Variants in SEC14L1 observed in about 807,000 individuals in gnomAD.
SEC14L1 encodes the protein SEC14-like protein 1.
Under a neutral mutation model 85.3 loss-of-function variants are expected in SEC14L1, and 48 were observed. The observed-to-expected ratio is 0.56, with a 90% CI of 0.45 to 0.72. The LOEUF (loss-of-function observed/expected upper bound fraction) is 0.72. SEC14L1 is among the 30% of genes least tolerant of loss of function. The pLI is 0.00. For synonymous variants in SEC14L1, 391 were observed against 355.5 expected (o/e 1.10, Z -1.12); for missense variants, 682 against 921.4 (o/e 0.74, Z 3.36).
chr17:77,113,221 G>A (rs991107374), intron 3 of SEC14L1, among the ~76,000 whole-genome samples: 6 of 152,132 alleles, frequency 3.9e-5, no homozygotes, highest in Admixed American at 6.6e-5. Context: ...TACAATATGT[G>A]AAACGAATTC....
chr17:77,214,661 C>T lies in SEC14L1; in HGVS notation c.*638C>T. The stretch of plus-strand genomic sequence containing the variant: ...GGGGCTCAGGAGGGGCTCTCAGGGA[C>T]TCCTGGTGACTCCAGGAAAATGCTG... On this transcript the variant is annotated 3_prime_UTR_variant, in exon 17 of 17. Coordinates refer to ENST00000436233, the MANE Select transcript of SEC14L1 (RefSeq NM_001143998.2). The T allele has an allele frequency of 1.0e-6, 1 of 985,710 alleles. No individual in the cohort carries two copies. The highest frequency in any genetic ancestry group is 1.2e-6 in the Non-Finnish European group (1 of 830,114). The allele number at this position is 985,710 out of a possible 1,614,324, so 61.1% of individuals were successfully genotyped here. A position where few individuals can be genotyped will look rare whatever the true frequency, so the allele number is the denominator to read the frequency against.
intron 10 of SEC14L1, among the ~76,000 whole-genome samples, 178 bp downstream of exon 10, chr17:77,203,836 T>C (rs190515084): frequency 2.7e-3 from 413 of 152,258 alleles, no homozygotes; most frequent in African/African-American, 9.7e-3. Context: ...GTTATAAAAG[T>C]GTTTCTCACA....
intron 3 of SEC14L1, among the ~76,000 whole-genome samples, chr17:77,180,000 A>G (rs1214928474): frequency 7.4e-6 from 1 of 134,558 alleles, no homozygotes; most frequent in East Asian, 2.3e-4. Context: ...TTAGGTTTTT[A>G]TTTTGTTTTG....
At chr17:77,185,214 G>A (rs1975212908) in intron 3 of SEC14L1, 2 of 985,356 alleles carry the variant, frequency 2.0e-6, no homozygotes, top group Non-Finnish European at 2.4e-6. Context: ...CAGCCTAGCA[G>A]TGCATTTGGT....
At chr17:77,150,089 A>C (rs924514104) in intron 3 of SEC14L1, among the ~76,000 whole-genome samples, 2 of 152,190 alleles carry the variant, frequency 1.3e-5, no homozygotes, top group Admixed American at 1.3e-4. Flanking sequence ...GCCCGAGTAC[A>C]AAAGAATTTG....
chr17:77,183,863 G>C (rs1299474223), intron 3 of SEC14L1, among the ~76,000 whole-genome samples: 1 of 151,986 alleles, frequency 6.6e-6, no homozygotes, highest in Non-Finnish European at 1.5e-5. Context: ...GTCTAGGGTG[G>C]TTGTGTAGAC....
At position 77,212,000 on chromosome 17, in the gene SEC14L1, C is replaced by T. The variant is rs769124500; in HGVS notation, c.1662C>T (p.Asp554=). 52 of 1,613,958 alleles carry T rather than the reference C, an allele frequency of 3.2e-5. No individual in the cohort carries two copies. The highest frequency in any genetic ancestry group is 2.7e-4 in the South Asian group (25 of 91,084). ...DASSVITWDF[D]VCKGDIVFNI... ...CGTCAGTCATCACTTGGGATTTCGA[C>T]GTGTGCAAAGGGGACATTGTGTTTA... The change falls in exon 15 of 17, where the codon GAC becomes GAT. Residue 554 remains aspartate (D), a synonymous_variant. Transcript: ENST00000436233.
intron 3 of SEC14L1, among the ~76,000 whole-genome samples, chr17:77,172,253 AAG>A (rs1491275939): frequency 6.6e-6 from 1 of 152,142 alleles, no homozygotes; most frequent in Non-Finnish European, 1.5e-5. Flanking sequence ...AGGTAAAAAA[AAG>A]AGTGGAGCCC....
At chr17:77,159,359 AC>A (rs1973957833) in intron 3 of SEC14L1, among the ~76,000 whole-genome samples, 1 of 131,086 alleles carries the variant, frequency 7.6e-6, no homozygotes, top group Non-Finnish European at 1.6e-5. Context: ...GAGCCACCAC[AC>A]CCGGCCTCTT....
At chr17:77,093,676 C>T (rs1371324109) in intron 3 of SEC14L1, 2 of 152,356 alleles carry the variant, frequency 1.3e-5, no homozygotes, top group Non-Finnish European at 2.9e-5. Context: ...GCCTGCTGGA[C>T]CTCGGGCAGG....
intron 3 of SEC14L1, among the ~76,000 whole-genome samples, chr17:77,107,184 A>G (rs112273569): frequency 1.4e-4 from 21 of 152,272 alleles, no homozygotes; most frequent in African/African-American, 5.1e-4. Context: ...AAGAGCCACA[A>G]ACAAAAACTC....
chr17:77,146,633 C>G (rs1973323015), intron 3 of SEC14L1, among the ~76,000 whole-genome samples: 1 of 151,082 alleles, frequency 6.6e-6, no homozygotes, highest in African/African-American at 2.4e-5. Flanking sequence ...TGATTTAAAA[C>G]TTACTAGTTA....
chr17:77,146,557 G>A (rs887417013), intron 3 of SEC14L1, among the ~76,000 whole-genome samples: 3 of 151,852 alleles, frequency 2.0e-5, no homozygotes, highest in Non-Finnish European at 2.9e-5. Context: ...TAAAACTATT[G>A]TTCTGAGGTA....
rs1972420929 is a variant in SEC14L1, at chr17:77,125,435, T to TA, written c.-135-17211_-135-17210insA. Among the ~76,000 whole-genome samples the TA allele has an allele frequency of 2.0e-5, 3 of 152,208 alleles. No individual in the cohort carries two copies. In the South Asian group the frequency reaches 6.2e-4, roughly 32 times the overall value. ...CCTTAGATTCTGAAGTTGCAGGTTT[T>TA]TTTTTTTTTCCTTTCCCCTATTATG... is the stretch of plus-strand genomic sequence containing the variant. On this transcript the variant is annotated intron_variant, in intron 3 of 19. Transcript: ENST00000392476.
At position 77,126,689 on chromosome 17, in the gene SEC14L1, C is replaced by G. The variant is rs546209520; in HGVS notation, c.-135-15957C>G. ...AACCTTGGAACAAGGCCAGCCCTGC[C>G]AAGGACAGCAACATCCTTTGTTCTC... On this transcript the variant is annotated intron_variant, in intron 3 of 19. Transcript: ENST00000392476. Among the ~76,000 whole-genome samples, 6 of 152,334 alleles carry G rather than the reference C, an allele frequency of 3.9e-5. No individual in the cohort carries two copies. In the East Asian group the frequency reaches 9.6e-4, roughly 24 times the overall value.
At chr17:77,183,794 A>T (rs1295303748) in intron 3 of SEC14L1, among the ~76,000 whole-genome samples, 2 of 151,806 alleles carry the variant, frequency 1.3e-5, no homozygotes, top group Non-Finnish European at 2.9e-5. Flanking sequence ...TATTCTAGAC[A>T]GTTCCTTGCT....
chr17:77,197,995 T>TAAAAAA (rs1975902990), intron 8 of SEC14L1, among the ~76,000 whole-genome samples: 1 of 152,280 alleles, frequency 6.6e-6, no homozygotes, highest in Non-Finnish European at 1.5e-5. Flanking sequence ...CTTGCTACTA[T>TAAAAAA]TTCTTGTCAT....
At chr17:77,183,991 G>A (rs1231751357) in intron 3 of SEC14L1, among the ~76,000 whole-genome samples, 2 of 152,108 alleles carry the variant, frequency 1.3e-5, no homozygotes, top group Admixed American at 6.5e-5. Context: ...TCACCATGTT[G>A]GCCAGGCGGG....
rs1975516777 is a variant in SEC14L1, at chr17:77,191,196, T to A, written c.229T>A (p.Tyr77Asn). The change falls in exon 5 of 17, where the codon TAT (tyrosine) becomes AAT (asparagine). Residue 77 changes from tyrosine to asparagine, a missense_variant. Physicochemically the swap from Tyr to Asn is moderately radical, Grantham distance 143 (BLOSUM62 -2). Transcript: ENST00000436233. ...RLLKKIAGVD[Y>N]VYFVQKNSLN... ...TTTTTTGAAGATTGCAGGAGTTGATTATGTTTATTTTGTCCAGAAAAACTC... is the reference window on the plus strand; with the variant it reads ...TTTTTTGAAGATTGCAGGAGTTGATAATGTTTATTTTGTCCAGAAAAACTC... The A allele has an allele frequency of 2.5e-6, 4 of 1,613,054 alleles. No homozygotes were observed. Among genetic ancestry groups the A allele is most frequent in the Non-Finnish European group, 3.4e-6 (4 of 1,179,208 alleles).
Sources: allele counts gnomAD v4.1 joint callset (sites outside exome capture counted in the v4.1 genomes callset), GRCh38; gene constraint gnomAD v4.1.1; transcripts MANE v1.5; gene names NCBI Gene and HGNC (gene_info 2026-07-23, HGNC 2026-07-21).